Variants in ZNF550 observed in about 807,000 individuals in gnomAD.
ZNF550 encodes zinc finger protein 550.
A neutral mutation model predicts 40.2 loss-of-function variants in ZNF550; 42 were observed. The observed-to-expected ratio is 1.05, with a 90% CI of 0.82 to 1.35. The LOEUF is 1.35. Ranked by LOEUF, ZNF550 falls within the 40% of genes most tolerant of loss-of-function variation. ZNF550 has a pLI of 0.00. For missense variants in ZNF550, 549 were observed against 525.2 expected (o/e 1.05, Z -0.44); for synonymous variants, 223 against 198.6 (o/e 1.12, Z -1.03).
rs180735546 is a variant in ZNF550 at position 57,558,582 on chromosome 19, G to T, written c.27+1074C>A. On this transcript the variant is annotated intron_variant, in intron 1 of 4. Coordinates refer to ENST00000457177, the Ensembl canonical transcript of ZNF550. The stretch of plus-strand genomic sequence containing the variant: ...ATCCTAAACAGGCAACTAAATAAAT[G>T]AGTAAGGCAATGTCAGATGGCCTTA... Among the ~76,000 whole-genome samples, 56 of 152,296 alleles carry T rather than the reference G, an allele frequency of 3.7e-4. No homozygotes were observed. The East Asian group carries it at 9.4e-3, about 26-fold the overall frequency.
At chr19:57,547,498 T>C (rs754544609) in exon 4 of ZNF550, 2 of 1,613,984 alleles carry the variant, frequency 1.2e-6, no homozygotes, top group Non-Finnish European at 1.7e-6. Flanking sequence ...GATGAGGTAG[T>C]GCCGAATGAG....
At chr19:57,556,412 G>A (rs1322391550) in intron 1 of ZNF550, 55 bp from the exon 2 acceptor site, 34 of 1,569,308 alleles carry the variant, frequency 2.2e-5, no homozygotes, top group Non-Finnish European at 2.9e-5. Context: ...CATAGGATCA[G>A]AACCTGTCAC....
chr19:57,552,012 G>A (rs1486593681), intron 3 of ZNF550, among the ~76,000 whole-genome samples: 1 of 152,206 alleles, frequency 6.6e-6, no homozygotes, highest in Non-Finnish European at 1.5e-5. Flanking sequence ...CCTTTCTCTT[G>A]AGTCCAGAAA....
intron 2 of ZNF550, chr19:57,553,585 T>A (rs1364223125): frequency 6.6e-6 from 1 of 151,974 alleles, no homozygotes; most frequent in Non-Finnish European, 1.5e-5. Flanking sequence ...GCCTGGCTAG[T>A]TTTTGTATTT....
chr19:57,555,353 T>C (rs1023089670), intron 2 of ZNF550: 1 of 152,226 alleles, frequency 6.6e-6, no homozygotes, highest in Non-Finnish European at 1.5e-5. Flanking sequence ...TTTTCTTTTT[T>C]TTTGAGCCGG....
In ZNF550 at chr19:57,556,362, A is replaced by T; in HGVS notation, c.28-5T>A. On this transcript the variant is annotated splice_polypyrimidine_tract_variant and splice_region_variant and intron_variant, in intron 1 of 4. Transcript: ENST00000457177. ...ATCCTTGAAGGTCACCAACATCTGG[A>T]AAGTCAAACAGAAGTAATGCTATTG... 6.2e-7 allele frequency: 1 copy of T among 1,611,870 alleles called. No individual in the cohort carries two copies. Among genetic ancestry groups the T allele is most frequent in the Non-Finnish European group, 8.5e-7 (1 of 1,179,000 alleles).
chr19:57,544,743 ATTTTCTATT>A (rs2123333626), intron 4 of ZNF550, among the ~76,000 whole-genome samples: 1 of 152,286 alleles, frequency 6.6e-6, no homozygotes, highest in East Asian at 1.9e-4. Flanking sequence ...GAAAATGATA[ATTTTCTATT>A]TTTCACACGT....
At chr19:57,546,832 GAA>G (rs1178602113) in exon 4 of ZNF550, 15 of 1,417,682 alleles carry the variant, frequency 1.1e-5, no homozygotes, top group Non-Finnish European at 1.4e-5. Flanking sequence ...TGTTAGTTAA[GAA>G]AGAGCTGACA....
intron 3 of ZNF550, among the ~76,000 whole-genome samples, chr19:57,550,464 T>C (rs935062150): frequency 1.3e-5 from 2 of 152,254 alleles, no homozygotes; most frequent in Non-Finnish European, 2.9e-5. Context: ...CCTGATGTTT[T>C]CACATAATTT....
chr19:57,544,142 T>C (rs961851150), intron 4 of ZNF550: 10 of 985,462 alleles, frequency 1.0e-5, no homozygotes, highest in South Asian at 4.7e-5. Flanking sequence ...GCAGGACCCA[T>C]AGCCCAGCCA....
At chr19:57,545,079 A>C (rs2123334374) in intron 4 of ZNF550, among the ~76,000 whole-genome samples, 1 of 152,208 alleles carries the variant, frequency 6.6e-6, no homozygotes, top group Non-Finnish European at 1.5e-5. Context: ...CCAAGATCGC[A>C]CTCCTGCACT....
intron 1 of ZNF550, among the ~76,000 whole-genome samples, chr19:57,558,905 T>C (rs1366422619): frequency 6.6e-6 from 1 of 152,220 alleles, no homozygotes; most frequent in Non-Finnish European, 1.5e-5. Flanking sequence ...GGACTCGTTT[T>C]TCACCTGTAA....
chr19:57,542,796 T>C (rs1262415781), exon 5 of ZNF550: 2 of 152,234 alleles, frequency 1.3e-5, no homozygotes, highest in Non-Finnish European at 2.9e-5. Flanking sequence ...CTTCACATCG[T>C]CTTCCCTCTG....
chr19:57,558,680 C>T (rs1043604593), intron 1 of ZNF550, among the ~76,000 whole-genome samples: 11 of 152,074 alleles, frequency 7.2e-5, no homozygotes, highest in African/African-American at 2.4e-4. Flanking sequence ...GTGCAACAGA[C>T]GAGACCTCTT....
intron 2 of ZNF550, chr19:57,552,963 G>A: frequency 4.6e-6 from 2 of 432,554 alleles, no homozygotes; most frequent in Non-Finnish European, 8.3e-6. Flanking sequence ...AGGATCTTTA[G>A]AAGGTAATTA....
chr19:57,543,091 CTG>C (rs1470696260), exon 5 of ZNF550: 5 of 266,348 alleles, frequency 1.9e-5, no homozygotes, highest in Non-Finnish European at 2.3e-5. Flanking sequence ...TCTGATCACT[CTG>C]TTGTTCACAT....
chr19:57,548,550 G>A (rs565795227), intron 3 of ZNF550, among the ~76,000 whole-genome samples: 5 of 152,240 alleles, frequency 3.3e-5, no homozygotes, highest in African/African-American at 1.2e-4. Flanking sequence ...TAGTCAAAAT[G>A]GCTTTTGTCC....
rs1171372715 is a variant in ZNF550, at chr19:57,554,357, T to A, written c.155-1635A>T. ...TCAAGGCTGCAGCACCCAGCATCCC[T>A]ATGAGGAGCCAGCCTGAGGACAATC... On this transcript the variant is annotated intron_variant, in intron 2 of 4. Transcript: ENST00000457177. The surrounding 1 kb of genome is among the most constrained non-coding windows in gnomAD (Gnocchi z 4.5). 6.6e-6 allele frequency: 1 copy of A among 152,178 alleles called. No individual in the cohort carries two copies. The highest frequency in any genetic ancestry group is 6.5e-5 in the Admixed American group (1 of 15,280). 9.4% of individuals were successfully genotyped at this position (152,178 alleles called of 1,614,324 possible).
At chr19:57,559,776 C>T in exon 1 of ZNF550, 1 of 1,167,974 alleles carries the variant, frequency 8.6e-7, no homozygotes, top group East Asian at 3.0e-5. Context: ...GAGCCCCAGT[C>T]GCCCTACCAT....
Sources: allele counts gnomAD v4.1 joint callset (sites outside exome capture counted in the v4.1 genomes callset), GRCh38; gene constraint gnomAD v4.1.1; non-coding constraint Gnocchi (gnomAD v3.1); transcripts MANE v1.5; gene names NCBI Gene and HGNC (gene_info 2026-07-23, HGNC 2026-07-21).